FAM222B: variants seen among roughly 807,000 people sequenced by gnomAD.
The protein encoded by FAM222B is family with sequence similarity 222 member B, also known as protein FAM222B.
A neutral mutation model predicts 38.0 loss-of-function variants in FAM222B; 12 were observed. That is an observed-to-expected ratio of 0.32 (90% CI 0.20 to 0.51). The LOEUF (loss-of-function observed/expected upper bound fraction) is 0.51, where lower values mean the gene tolerates loss of function less well. FAM222B is among the 20% of genes least tolerant of loss of function. FAM222B has a pLI of 0.97. For synonymous variants in FAM222B, 329 were observed against 317.2 expected (o/e 1.04, Z -0.40); for missense variants, 716 against 754.2 (o/e 0.95, Z 0.59).
intron 1 of FAM222B, among the ~76,000 whole-genome samples, chr17:28,790,915 T>TTTTTTTTTTTTTTTTTTTTTTA (rs752443903): frequency 2.5e-5 from 3 of 121,046 alleles, no homozygotes; most frequent in African/African-American, 6.5e-5. Context: ...TTTTTTTTTT[T>TTTTTTTTTTTTTTTTTTTTTTA]AGAGACAGAA....
chr17:28,776,017 A>G (rs2035877270), intron 1 of FAM222B, among the ~76,000 whole-genome samples: 1 of 151,316 alleles, frequency 6.6e-6, no homozygotes, highest in Admixed American at 6.6e-5. Context: ...CAGAGGTTGC[A>G]GTATGCCAAG....
chr17:28,824,271 A>G (rs1486783268), intron 1 of FAM222B, among the ~76,000 whole-genome samples: 3 of 148,670 alleles, frequency 2.0e-5, no homozygotes, highest in African/African-American at 7.5e-5. Flanking sequence ...TGCAACCTCC[A>G]CCCCCTGGGC....
chr17:28,835,448 G>A (rs2038811259), intron 1 of FAM222B, among the ~76,000 whole-genome samples: 1 of 152,192 alleles, frequency 6.6e-6, no homozygotes, highest in Middle Eastern at 3.4e-3. Context: ...GTTGACTGCT[G>A]AAAGGATCAA....
intron 1 of FAM222B, chr17:28,848,763 GAAAA>G (rs1460231704): frequency 6.6e-6 from 1 of 151,638 alleles, no homozygotes; most frequent in Non-Finnish European, 1.5e-5. Context: ...CTCAAAGAAA[GAAAA>G]AAAGAAATTC....
chr17:28,814,526 G>A (rs1192184685), intron 1 of FAM222B, among the ~76,000 whole-genome samples: 2 of 152,136 alleles, frequency 1.3e-5, no homozygotes, highest in African/African-American at 2.4e-5. Flanking sequence ...GTGAGATGCT[G>A]TGGTGTAATC....
Position 28,842,684 on chromosome 17 carries a change from T to C in FAM222B, c.-43A>G, listed in dbSNP as rs1254693034. 1 of 153,386 alleles carries C rather than the reference T, an allele frequency of 6.5e-6. No homozygotes were observed. The highest frequency in any genetic ancestry group is 2.4e-5 in the African/African-American group (1 of 41,426). The allele number at this position is 153,386 out of a possible 1,614,324, so 9.5% of individuals were successfully genotyped here. A position where few individuals can be genotyped will look rare whatever the true frequency, so the allele number is the denominator to read the frequency against. On this transcript the variant is annotated splice_region_variant and 5_prime_UTR_variant, in exon 1 of 3. Coordinates refer to ENST00000581407, the MANE Select transcript of FAM222B (RefSeq NM_001077498.3). ...ACTCCCCCTCCACCACTACTCACGG[T>C]CGGTGACTGGGCCCGGCCCTCATGG...
At chr17:28,779,508 T>C (rs1246646543) in intron 1 of FAM222B, among the ~76,000 whole-genome samples, 3 of 151,926 alleles carry the variant, frequency 2.0e-5, no homozygotes, top group Non-Finnish European at 4.4e-5. Context: ...TCCCAGCACT[T>C]TGGGAGGCTG....
intron 1 of FAM222B, among the ~76,000 whole-genome samples, chr17:28,833,746 T>C (rs754422158): frequency 6.6e-6 from 1 of 151,676 alleles, no homozygotes; most frequent in African/African-American, 2.4e-5. Flanking sequence ...AAGATACGAA[T>C]GAACAACATA....
chr17:28,815,110 C>G (rs1283965825), intron 1 of FAM222B, among the ~76,000 whole-genome samples: 1 of 151,896 alleles, frequency 6.6e-6, no homozygotes, highest in African/African-American at 2.4e-5. Context: ...ATATACATCT[C>G]TTGGTCCAAT....
intron 2 of FAM222B, among the ~76,000 whole-genome samples, chr17:28,761,802 G>A (rs1311983083): frequency 6.6e-6 from 1 of 152,162 alleles, no homozygotes; most frequent in African/African-American, 2.4e-5. Flanking sequence ...ATCACTGATT[G>A]AGAGCAAGTC....
chr17:28,782,348 C>G (rs1224314195), intron 1 of FAM222B, among the ~76,000 whole-genome samples: 5 of 151,916 alleles, frequency 3.3e-5, no homozygotes, highest in Non-Finnish European at 1.5e-5. Context: ...AAAATAAAAT[C>G]TAATTTAGGG....
intron 1 of FAM222B, among the ~76,000 whole-genome samples, chr17:28,810,944 T>C (rs2037730268): frequency 6.6e-6 from 1 of 152,094 alleles, no homozygotes; most frequent in Non-Finnish European, 1.5e-5. Flanking sequence ...GTAAGACAGC[T>C]CCAGTGTATC....
intron 1 of FAM222B, among the ~76,000 whole-genome samples, chr17:28,828,649 CT>C (rs1310018097): frequency 1.3e-5 from 2 of 151,650 alleles, no homozygotes; most frequent in African/African-American, 4.8e-5. Context: ...AGACTTTTCA[CT>C]TTTAATTATG....
upstream of FAM222B, chr17:28,842,794 C>G (rs775963088): frequency 1.3e-5 from 2 of 152,854 alleles, no homozygotes. Context: ...GGGGACTACC[C>G]GGAGCCGCTC....
At chr17:28,767,154 CTTTTA>C (rs780911824) in intron 1 of FAM222B, 4 of 153,120 alleles carry the variant, frequency 2.6e-5, no homozygotes, top group Non-Finnish European at 4.4e-5. Context: ...TATGAACCCA[CTTTTA>C]TTTTATTTTT....
chr17:28,841,524 G>A (rs1405422988), intron 1 of FAM222B, among the ~76,000 whole-genome samples: 5 of 151,902 alleles, frequency 3.3e-5, no homozygotes, highest in African/African-American at 4.8e-5. Flanking sequence ...ACAGGCGCCC[G>A]CCACCACACC....
At chr17:28,843,108 C>G (rs960325590), upstream of FAM222B, among the ~76,000 whole-genome samples, 2 of 151,450 alleles carry the variant, frequency 1.3e-5, no homozygotes, top group Admixed American at 6.6e-5. Context: ...TTCAGGTGCT[C>G]TGAGGTGACC....
At chr17:28,830,190 C>T (rs2038616105) in intron 1 of FAM222B, among the ~76,000 whole-genome samples, 1 of 131,938 alleles carries the variant, frequency 7.6e-6, no homozygotes, top group Non-Finnish European at 1.6e-5. Context: ...GAGAGCGTGT[C>T]TCACTCTGTT....
chr17:28,845,218 G>A (rs910687214), upstream of FAM222B, among the ~76,000 whole-genome samples: 44 of 151,800 alleles, frequency 2.9e-4, 1 homozygote, highest in South Asian at 1.7e-3. Flanking sequence ...TGGCTAACAC[G>A]GTGAAACCTC....
Sources: allele counts gnomAD v4.1 joint callset (sites outside exome capture counted in the v4.1 genomes callset), GRCh38; gene constraint gnomAD v4.1.1; transcripts MANE v1.5; gene names NCBI Gene and HGNC (gene_info 2026-07-23, HGNC 2026-07-21).